The following FOXP2 variants were observed in gnomAD, a reference collection of about 807,000 sequenced individuals.
The protein encoded by FOXP2 is forkhead box P2.
Under a neutral mutation model 115.8 loss-of-function variants are expected in FOXP2, and 12 were observed. That is an observed-to-expected ratio of 0.10 (90% CI 0.07 to 0.17). The LOEUF is 0.17. FOXP2 is among the 10% of genes least tolerant of loss of function. FOXP2 has a pLI of 1.00. For missense variants in FOXP2, 629 were observed against 843.5 expected, an observed-to-expected ratio of 0.75 and a Z score of 3.15; for synonymous variants, 328 against 297.7, an observed-to-expected ratio of 1.10 and a Z score of -1.05.
chr7:114,388,592 G>A (rs918379163), intron 2 of FOXP2, among the ~76,000 whole-genome samples: 1 of 152,028 alleles, frequency 6.6e-6, no homozygotes, highest in Non-Finnish European at 1.5e-5. Flanking sequence ...CAGGAGTTCT[G>A]ATAGCCACAT....
intron 1 of FOXP2, among the ~76,000 whole-genome samples, chr7:114,143,149 A>G (rs954598750): frequency 5.0e-5 from 6 of 120,974 alleles, no homozygotes; most frequent in African/African-American, 1.5e-4. Flanking sequence ...CCCTGTCTCA[A>G]TAATAATAAT....
chr7:114,458,402 G>T (rs1408421654), intron 2 of FOXP2, among the ~76,000 whole-genome samples: 1 of 149,670 alleles, frequency 6.7e-6, no homozygotes, highest in African/African-American at 2.5e-5. Context: ...CAGGCAGGAA[G>T]GAAAAAAAAA....
intron 2 of FOXP2, among the ~76,000 whole-genome samples, chr7:114,362,340 A>G (rs965046830): frequency 6.6e-6 from 1 of 152,154 alleles, no homozygotes; most frequent in Admixed American, 6.5e-5. Context: ...GATTATGGTC[A>G]CAAAGTTGAA....
At chr7:114,375,378 T>G (rs1001448264) in intron 2 of FOXP2, among the ~76,000 whole-genome samples, 2 of 152,176 alleles carry the variant, frequency 1.3e-5, no homozygotes, top group South Asian at 2.1e-4. Context: ...CCACTTACTG[T>G]GGAAACATGG....
At chr7:114,590,132 T>A (rs1802372303) in intron 3 of FOXP2, among the ~76,000 whole-genome samples, 1 of 152,108 alleles carries the variant, frequency 6.6e-6, no homozygotes, top group Admixed American at 6.6e-5. Flanking sequence ...ACGAGCCTAG[T>A]GTACTGTGGC....
intron 8 of FOXP2, among the ~76,000 whole-genome samples, chr7:114,651,314 C>A (rs1443645763): frequency 1.3e-5 from 2 of 151,988 alleles, no homozygotes; most frequent in Non-Finnish European, 2.9e-5. Context: ...GAAATAGATA[C>A]ACTAAAGGAT....
At chr7:114,176,298 T>TTCTTTCTTTCTTTCTTTCTTTCTC (rs368923204) in intron 1 of FOXP2, among the ~76,000 whole-genome samples, 16 of 76,578 alleles carry the variant, frequency 2.1e-4, no homozygotes, top group African/African-American at 8.6e-4. Context: ...CTTTCTTTCT[T>TTCTTTCTTTCTTTCTTTCTTTCTC]TCTCTCTCTC....
chr7:114,179,829 T>C (rs555513045), intron 1 of FOXP2, among the ~76,000 whole-genome samples: 77 of 152,156 alleles, frequency 5.1e-4, no homozygotes, highest in Non-Finnish European at 1.0e-3. Flanking sequence ...ACAAAATCCA[T>C]GTAGAATATA....
chr7:114,439,819 C>T (rs999604667), intron 2 of FOXP2, among the ~76,000 whole-genome samples: 2 of 152,024 alleles, frequency 1.3e-5, no homozygotes, highest in African/African-American at 4.8e-5. Context: ...AGAGATCTGC[C>T]CGCCTTGACC....
intron 2 of FOXP2, among the ~76,000 whole-genome samples, chr7:114,383,381 T>C (rs1456888096): frequency 6.6e-6 from 1 of 152,120 alleles, no homozygotes; most frequent in East Asian, 1.9e-4. Context: ...TGTTTACCCA[T>C]TTGTTTATCT....
intron 1 of FOXP2, among the ~76,000 whole-genome samples, chr7:114,174,357 C>T (rs113293601): frequency 5.4e-4 from 82 of 151,996 alleles, no homozygotes; most frequent in Non-Finnish European, 5.5e-4. Flanking sequence ...TTATTCACCA[C>T]GTAAAGTTAT....
intron 1 of FOXP2, among the ~76,000 whole-genome samples, chr7:114,145,431 T>TTTTTCTTTTTTCTTTTCTTTTC (rs1554421627): frequency 0.056 from 5,609 of 99,876 alleles, 393 homozygotes; most frequent in Non-Finnish European, 0.09. Flanking sequence ...GCTTTGCCAT[T>TTTTTCTTTTTTCTTTTCTTTTC]TTTTCTTTTC....
chr7:114,213,556 A>T (rs1794410723), intron 1 of FOXP2, among the ~76,000 whole-genome samples: 1 of 152,192 alleles, frequency 6.6e-6, no homozygotes, highest in Non-Finnish European at 1.5e-5. Flanking sequence ...GCTAAATTTT[A>T]TCTCACAGCT....
At chr7:114,519,938 T>C (rs1798531461) in intron 2 of FOXP2, among the ~76,000 whole-genome samples, 1 of 152,174 alleles carries the variant, frequency 6.6e-6, no homozygotes, top group South Asian at 2.1e-4. Flanking sequence ...CCAAAATGAT[T>C]AATTTAAAGA....
At chr7:114,589,354 A>T (rs1012091271) in intron 3 of FOXP2, among the ~76,000 whole-genome samples, 2 of 151,742 alleles carry the variant, frequency 1.3e-5, no homozygotes, top group African/African-American at 4.8e-5. Flanking sequence ...GATTTCTTTA[A>T]AAAAAAAGCT....
rs1174920937 is a variant in FOXP2, at chr7:114,273,182, G to T, written c.-101-14837G>T. Among the ~76,000 whole-genome samples, 3 of 151,730 alleles carry T rather than the reference G, an allele frequency of 2.0e-5. No individual in the cohort carries two copies. In the East Asian group the frequency reaches 5.8e-4, roughly 29 times the overall value. On this transcript the variant is annotated intron_variant, in intron 1 of 17. Transcript: ENST00000634411. ...CAGAATGTTATTAAATTTCTCTTGA[G>T]GTTTCTTCATTGACCTGTGTGTTAC...
intron 3 of FOXP2, among the ~76,000 whole-genome samples, chr7:114,601,077 C>T (rs1228862488): frequency 1.3e-5 from 2 of 151,836 alleles, no homozygotes. Context: ...GATTCTAGTG[C>T]CTTAGTCTCC....
chr7:114,169,439 G>A (rs532927462), intron 1 of FOXP2, among the ~76,000 whole-genome samples: 78 of 152,286 alleles, frequency 5.1e-4, no homozygotes, highest in African/African-American at 1.8e-3. Flanking sequence ...GAATTGCATG[G>A]GCCCTGTATC....
intron 2 of FOXP2, among the ~76,000 whole-genome samples, chr7:114,309,314 C>T (rs1797087634): frequency 6.6e-6 from 1 of 152,178 alleles, no homozygotes; most frequent in Non-Finnish European, 1.5e-5. Context: ...ATGTTAGACC[C>T]TTTCTCAGTT....
Sources: gnomAD v4.1 joint callset for allele counts (sites outside exome capture counted in the v4.1 genomes callset) on GRCh38, gnomAD v4.1.1 for gene constraint, MANE v1.5 for transcripts, NCBI Gene and HGNC (gene_info 2026-07-23, HGNC 2026-07-21) for gene names.